Variants in WDR7 observed in about 807,000 individuals in gnomAD.
The protein encoded by WDR7 is WD repeat-containing protein 7.
A neutral mutation model predicts 169.4 loss-of-function variants in WDR7; 46 were observed. The ratio of observed to expected loss-of-function variants is 0.27; its 90% confidence interval spans 0.21 to 0.35. The LOEUF (loss-of-function observed/expected upper bound fraction) is 0.35. WDR7 is among the 10% of genes least tolerant of loss of function. The probability of loss-of-function intolerance (pLI) is 1.00; values close to 1 mark genes in which losing one functional copy is unlikely to be tolerated. For synonymous variants in WDR7, 612 were observed against 666.8 expected, an observed-to-expected ratio of 0.92 and a Z score of 1.27; for missense variants, 1,534 against 1,859.3, an observed-to-expected ratio of 0.83 and a Z score of 3.22.
chr18:56,684,497 A>G (rs1434823589), intron 5 of WDR7, among the ~76,000 whole-genome samples: 4 of 152,210 alleles, frequency 2.6e-5, no homozygotes, highest in African/African-American at 7.2e-5. Context: ...AAAAACAGCC[A>G]GTGGGCTGGA....
At chr18:56,706,652 C>G (rs2025962119) in intron 12 of WDR7, among the ~76,000 whole-genome samples, 1 of 152,048 alleles carries the variant, frequency 6.6e-6, no homozygotes, top group East Asian at 1.9e-4. Flanking sequence ...CGTTCATTTT[C>G]AGTACTCAAA....
chr18:56,708,606 T>C (rs966592795), intron 12 of WDR7, among the ~76,000 whole-genome samples: 1 of 151,388 alleles, frequency 6.6e-6, no homozygotes, highest in Admixed American at 6.6e-5. Flanking sequence ...GTGTGGAGAG[T>C]GGAAAGGGGC....
chr18:56,730,452 A>T (rs1050903091), intron 13 of WDR7, among the ~76,000 whole-genome samples: 6 of 152,176 alleles, frequency 3.9e-5, no homozygotes, highest in Non-Finnish European at 8.8e-5. Flanking sequence ...AACAGAAAGG[A>T]TAGCCAAATA....
intron 20 of WDR7, among the ~76,000 whole-genome samples, chr18:56,878,671 G>A (rs545560081): frequency 2.0e-5 from 3 of 152,136 alleles, no homozygotes; most frequent in Middle Eastern, 3.4e-3. Context: ...TCTAATTTTA[G>A]AACATTTTCA....
chr18:56,700,987 A>G (rs1393292907), intron 12 of WDR7, among the ~76,000 whole-genome samples: 1 of 152,216 alleles, frequency 6.6e-6, no homozygotes, highest in Non-Finnish European at 1.5e-5. Flanking sequence ...AAAATGTAAG[A>G]AAATTAAAAA....
Position 56,802,311 on chromosome 18 carries a change from ATT to A in WDR7, c.3191-13707_3191-13706del, listed in dbSNP as rs535397644. Among the ~76,000 whole-genome samples, 367 of 146,042 alleles carry A rather than the reference ATT, an allele frequency of 2.5e-3. 2 individuals are homozygous for A. The highest frequency in any genetic ancestry group is 8.3e-3 in the African/African-American group (335 of 40,126). On this transcript the variant is annotated intron_variant, in intron 19 of 27. Coordinates refer to ENST00000254442, the MANE Select transcript of WDR7 (RefSeq NM_015285.3). ...TCCAATTTTTCTTACCATAGTTAGA[ATT>A]TTTTTTTTTTTTAACCTTGGGTTGC... is the stretch of plus-strand genomic sequence containing the variant.
At chr18:56,885,378 CA>C (rs1475635879) in intron 21 of WDR7, among the ~76,000 whole-genome samples, 3 of 151,458 alleles carry the variant, frequency 2.0e-5, no homozygotes, top group Non-Finnish European at 4.4e-5. Context: ...TTAATGAAAT[CA>C]AAAAAATTAT....
intron 20 of WDR7, among the ~76,000 whole-genome samples, chr18:56,824,398 G>A (rs954733859): frequency 1.3e-5 from 2 of 152,118 alleles, no homozygotes; most frequent in Non-Finnish European, 2.9e-5. Flanking sequence ...GAGTCATGTG[G>A]GCATGTGACT....
chr18:56,727,503 C>T (rs2026486045), intron 13 of WDR7, among the ~76,000 whole-genome samples: 1 of 152,136 alleles, frequency 6.6e-6, no homozygotes, highest in Non-Finnish European at 1.5e-5. Context: ...TGGTGAAAGG[C>T]ACCTCTTCAC....
intron 14 of WDR7, among the ~76,000 whole-genome samples, chr18:56,752,067 G>T (rs1235944240): frequency 6.6e-6 from 1 of 152,122 alleles, no homozygotes; most frequent in African/African-American, 2.4e-5. Flanking sequence ...TTAGACAACA[G>T]TTCTCAAACT....
chr18:56,802,051 C>T (rs1241683072), intron 19 of WDR7, among the ~76,000 whole-genome samples: 2 of 152,124 alleles, frequency 1.3e-5, no homozygotes, highest in Non-Finnish European at 2.9e-5. Context: ...GAACTGTCTT[C>T]CAAAGCAGTT....
chr18:56,786,422 G>C (rs540225740), intron 19 of WDR7, among the ~76,000 whole-genome samples: 1 of 151,962 alleles, frequency 6.6e-6, no homozygotes, highest in South Asian at 2.1e-4. Flanking sequence ...CCAGCTACTC[G>C]GGAGGCTTAG....
At chr18:56,918,629 C>T (rs1368015400) in intron 21 of WDR7, among the ~76,000 whole-genome samples, 1 of 152,064 alleles carries the variant, frequency 6.6e-6, no homozygotes, top group East Asian at 1.9e-4. Flanking sequence ...AGAATAAGCA[C>T]TCCTTTACAT....
Position 56,935,837 on chromosome 18 carries a change from G to A in WDR7, c.3763G>A (p.Ala1255Thr), listed in dbSNP as rs367847458. ...LSPAADSARS[A>T]RHALSLIATA... ...CCCAGCAGCTGACTCGGCCCGCTCT[G>A]CGAGGCATGCCCTCTCGCTCATTGC... The change falls in exon 23 of 28, where the codon GCG becomes ACG. Residue 1255 changes from alanine to threonine, a missense_variant. Coordinates refer to ENST00000254442, the MANE Select transcript of WDR7 (RefSeq NM_015285.3). 6 of 1,614,052 alleles carry A rather than the reference G, an allele frequency of 3.7e-6. No individual in the cohort carries two copies. The East Asian group carries it at 1.3e-4, about 36-fold the overall frequency.
chr18:57,020,970 A>G, intron 27 of WDR7, 121 bp downstream of exon 27: 1 of 807,902 alleles, frequency 1.2e-6, no homozygotes, highest in Non-Finnish European at 2.0e-6. Flanking sequence ...CCTTGCAGCA[A>G]ACATCCAGTC....
At chr18:57,034,762 G>A (rs1386223524), downstream of WDR7, 1 of 152,124 alleles carries the variant, frequency 6.6e-6, no homozygotes, top group African/African-American at 2.4e-5. Flanking sequence ...GCTGAAGGGT[G>A]ATTAATCACC....
Position 56,679,332 on chromosome 18 carries a change from A to T in WDR7, c.160A>T (p.Ile54Phe), listed in dbSNP as rs370325910. The change falls in exon 3 of 28, where the codon ATT (isoleucine) becomes TTT (phenylalanine). Residue 54 changes from isoleucine to phenylalanine, a missense_variant and splice_region_variant. Transcript: ENST00000254442. ...AACTAGCATATTTTTGCATTTCTAG[A>T]TTAATCCTCGAGCACTGTTGTTTGG... ...CLWDLSVELQINPRALLFGHT... is the reference protein window; with the variant it reads ...CLWDLSVELQFNPRALLFGHT... The T allele has an allele frequency of 1.2e-6, 2 of 1,605,678 alleles. No individual in the cohort carries two copies. Among genetic ancestry groups the T allele is most frequent in the African/African-American group, 2.7e-5 (2 of 74,832 alleles).
intron 26 of WDR7, among the ~76,000 whole-genome samples, chr18:56,978,422 C>T (rs2047597223): frequency 6.6e-6 from 1 of 152,108 alleles, no homozygotes; most frequent in Non-Finnish European, 1.5e-5. Context: ...AGACACAAGA[C>T]TGTATTTTTA....
intron 12 of WDR7, among the ~76,000 whole-genome samples, chr18:56,709,475 G>A (rs1415409776): frequency 6.6e-6 from 1 of 152,072 alleles, no homozygotes; most frequent in Non-Finnish European, 1.5e-5. Flanking sequence ...TTGTATTCAT[G>A]ACATGTTAGT....
Sources: allele counts gnomAD v4.1 joint callset (sites outside exome capture counted in the v4.1 genomes callset), GRCh38; gene constraint gnomAD v4.1.1; transcripts MANE v1.5; gene names NCBI Gene and HGNC (gene_info 2026-07-23, HGNC 2026-07-21).